NHSL1: variants seen among roughly 807,000 people sequenced by gnomAD.
NHSL1 encodes the protein NHS like 1, also known as NHS-like protein 1.
In NHSL1, 48 loss-of-function variants were observed where a neutral mutation model predicts 95.0. The ratio of observed to expected loss-of-function variants is 0.51; its 90% CI spans 0.40 to 0.64. The LOEUF (loss-of-function observed/expected upper bound fraction) is 0.64. Among genes scored for constraint, NHSL1 ranks in the 30% least tolerant of loss-of-function variants. The probability of loss-of-function intolerance (pLI) is 0.00; values close to 1 mark genes in which losing one functional copy is unlikely to be tolerated. For missense variants in NHSL1, 1,971 were observed against 2,077.7 expected, an observed-to-expected ratio of 0.95 and a Z score of 1.00; for synonymous variants, 783 against 833.9, an observed-to-expected ratio of 0.94 and a Z score of 1.05.
chr6:138,549,833 A>C (rs1203006198), upstream of NHSL1, among the ~76,000 whole-genome samples: 1 of 152,170 alleles, frequency 6.6e-6, no homozygotes, highest in Non-Finnish European at 1.5e-5. Flanking sequence ...ACCTCTATTA[A>C]ATTGCTGAAA....
rs372699664 is a variant in NHSL1, at chr6:138,609,675, G to A, written c.96+82801C>T. Among the ~76,000 whole-genome samples the A allele has an allele frequency of 1.9e-3, 278 of 148,810 alleles. 3 individuals are homozygous for A. Among genetic ancestry groups the A allele is most frequent in the East Asian group, 0.014 (70 of 4,902 alleles). ...TAAGGCAGGAGAATGGCGTGAACCCGGGAGGCAGAGCTTGCAGTGAGCCGA... is the reference window on the plus strand; with the variant it reads ...TAAGGCAGGAGAATGGCGTGAACCCAGGAGGCAGAGCTTGCAGTGAGCCGA... On this transcript the variant is annotated intron_variant, in intron 1 of 3. Coordinates refer to the NHSL1 transcript ENST00000491526.
chr6:138,537,457 T>C (rs754687072), intron 1 of NHSL1, among the ~76,000 whole-genome samples: 39 of 152,252 alleles, frequency 2.6e-4, no homozygotes, highest in Non-Finnish European at 1.5e-4. Context: ...TTTCTCACTA[T>C]GTAGAAATAC....
In NHSL1 at chr6:138,648,471, C is replaced by A. The variant is rs1010880541; in HGVS notation, c.96+44005G>T. Among the ~76,000 whole-genome samples the A allele has an allele frequency of 2.0e-5, 3 of 152,170 alleles. No homozygotes were observed. The East Asian group carries it at 5.8e-4, about 29-fold the overall frequency. On this transcript the variant is annotated intron_variant, in intron 1 of 3. Transcript: ENST00000491526. The stretch of plus-strand genomic sequence containing the variant: ...TCATATAAGGCTGCATTTAGCTGAC[C>A]GAGACCAGGTAGGATACTTGGATGG...
At chr6:138,565,285 T>G (rs2114357714) in intron 1 of NHSL1, among the ~76,000 whole-genome samples, 1 of 152,226 alleles carries the variant, frequency 6.6e-6, no homozygotes, top group East Asian at 1.9e-4. Flanking sequence ...TTTTGTATTT[T>G]TAGTAGAGAC....
At chr6:138,511,599 T>A (rs1310091126) in intron 1 of NHSL1, among the ~76,000 whole-genome samples, 3 of 152,016 alleles carry the variant, frequency 2.0e-5, no homozygotes. Context: ...TATAAGAATT[T>A]GACCAACAAT....
intron 6 of NHSL1, 28 bp from the exon 7 acceptor site, chr6:138,429,871 A>G (rs1203650024): frequency 6.5e-7 from 1 of 1,540,066 alleles, no homozygotes; most frequent in East Asian, 2.4e-5. Context: ...GGCATACAAG[A>G]CGCACAAGTG....
intron 2 of NHSL1, among the ~76,000 whole-genome samples, chr6:138,491,108 T>C (rs934528189): frequency 1.1e-4 from 16 of 152,204 alleles, no homozygotes; most frequent in African/African-American, 3.9e-4. Context: ...CACTCCTCCT[T>C]GCGCTCACAC....
intron 2 of NHSL1, among the ~76,000 whole-genome samples, chr6:138,491,336 C>A (rs116533636): frequency 6.6e-6 from 1 of 152,048 alleles, no homozygotes; most frequent in South Asian, 2.1e-4. Flanking sequence ...GGGGATGGAG[C>A]CTTAAAAGTG....
At chr6:138,639,987 G>A (rs12528696) in intron 1 of NHSL1, among the ~76,000 whole-genome samples, 26,889 of 148,514 alleles carry the variant, frequency 0.18, 2,504 homozygotes, top group South Asian at 0.25. Flanking sequence ...TCTCATCATC[G>A]TATTGCACAG....
chr6:138,529,035 A>G (rs1403702893), intron 1 of NHSL1, among the ~76,000 whole-genome samples: 1 of 152,184 alleles, frequency 6.6e-6, no homozygotes, highest in Non-Finnish European at 1.5e-5. Flanking sequence ...TACCCAAAAC[A>G]ATCTTCATTC....
Position 138,516,045 on chromosome 6 carries a change from G to A in NHSL1, c.17-19674C>T, listed in dbSNP as rs566483170. ...CTTTGACACAGGGGCCTCAGCAGCC[G>A]GCCTAGCATTTGCAAAGCAGATGCA... On this transcript the variant is annotated intron_variant, in intron 1 of 4. Transcript: ENST00000342260. Among the ~76,000 whole-genome samples the A allele has an allele frequency of 1.1e-4, 17 of 152,320 alleles. No homozygotes were observed. In the East Asian group the frequency reaches 2.1e-3, roughly 19 times the overall value.
chr6:138,517,416 TA>T (rs577012898), intron 1 of NHSL1, among the ~76,000 whole-genome samples: 4 of 152,246 alleles, frequency 2.6e-5, no homozygotes, highest in Non-Finnish European at 4.4e-5. Context: ...ATTCATTTTT[TA>T]AATGCTGAGT....
intron 1 of NHSL1, among the ~76,000 whole-genome samples, chr6:138,674,322 T>A (rs1785419985): frequency 6.6e-6 from 1 of 152,312 alleles, no homozygotes; most frequent in Non-Finnish European, 1.5e-5. Context: ...ATTGTGTGTT[T>A]TTTTTTAAGT....
chr6:138,636,857 A>G (rs561250463), intron 1 of NHSL1, among the ~76,000 whole-genome samples: 4 of 152,366 alleles, frequency 2.6e-5, no homozygotes, highest in Non-Finnish European at 4.4e-5. Context: ...TACAGATTCA[A>G]TGCAATCCCT....
chr6:138,447,047 C>T lies in NHSL1; in HGVS notation c.486G>A (p.Gln162=), dbSNP rs1383565790. The T allele has an allele frequency of 7.7e-6, 12 of 1,551,644 alleles. No homozygotes were observed. The highest frequency in any genetic ancestry group is 1.0e-5 in the Non-Finnish European group (12 of 1,147,008). ...PLPTPEEKMR[Q]QAQTVQADVV... Reference sequence around the variant, plus strand: ...CGTCAGCCTGGACTGTTTGGGCTTGCTGTCGCATCTTCTCTTCTGGTGTTG... The same window carrying T: ...CGTCAGCCTGGACTGTTTGGGCTTGTTGTCGCATCTTCTCTTCTGGTGTTG... The change falls in exon 4 of 8, where the codon CAG becomes CAA. Residue 162 remains glutamine (Q), a synonymous_variant. Transcript: ENST00000343505.
At chr6:138,610,541 A>AT (rs1562390899) in intron 1 of NHSL1, among the ~76,000 whole-genome samples, 1 of 114,766 alleles carries the variant, frequency 8.7e-6, no homozygotes, top group African/African-American at 4.7e-5. Context: ...AAGTATAATA[A>AT]TAAAAAAATA....
intron 1 of NHSL1, chr6:138,650,629 C>T (rs978923592): frequency 3.1e-5 from 18 of 573,822 alleles, no homozygotes; most frequent in East Asian, 2.7e-4. Context: ...GAGCTCAGCA[C>T]GCCACTATCC....
chr6:138,552,763 T>C (rs941366881), intron 1 of NHSL1, among the ~76,000 whole-genome samples: 17 of 152,210 alleles, frequency 1.1e-4, no homozygotes, highest in African/African-American at 4.1e-4. Flanking sequence ...GCAAGCTGCC[T>C]TGACTTCCAC....
intron 1 of NHSL1, among the ~76,000 whole-genome samples, chr6:138,679,742 G>A (rs1785489595): frequency 6.6e-6 from 1 of 152,112 alleles, no homozygotes; most frequent in African/African-American, 2.4e-5. Flanking sequence ...TCAGAGAGAT[G>A]CACCCCAATG....
Sources: allele counts gnomAD v4.1 joint callset (sites outside exome capture counted in the v4.1 genomes callset), GRCh38; gene constraint gnomAD v4.1.1; transcripts MANE v1.5; gene names NCBI Gene and HGNC (gene_info 2026-07-23, HGNC 2026-07-21).